Variants in NXN observed in about 807,000 individuals in gnomAD.
NXN encodes nucleoredoxin.
NXN carries 16 observed loss-of-function variants against 48.6 expected under a neutral mutation model. The observed-to-expected ratio is 0.33, with a 90% CI of 0.22 to 0.50. The LOEUF (loss-of-function observed/expected upper bound fraction) is 0.50. Ranked by LOEUF, NXN falls within the 20% of genes least tolerant of loss-of-function variation. NXN has a pLI of 0.98. For synonymous variants in NXN, 281 were observed against 269.6 expected (o/e 1.04, Z -0.41); for missense variants, 492 against 605.5 (o/e 0.81, Z 1.97).
rs140388581 is a variant in NXN, at chr17:812,268, C to T, written c.821-7021G>A. 6.3e-3 allele frequency among the ~76,000 whole-genome samples: 962 copies of T among 152,246 alleles called. 6 individuals carry two copies. Among genetic ancestry groups the T allele is most frequent in the Non-Finnish European group, 0.011 (716 of 68,012 alleles). On this transcript the variant is annotated intron_variant, in intron 5 of 7. Transcript: ENST00000336868. ...ACCCGAGCCTGTCAGAACACTCTGCCCTCACATGACTCAATCCACAAAATG... is the reference window on the plus strand; with the variant it reads ...ACCCGAGCCTGTCAGAACACTCTGCTCTCACATGACTCAATCCACAAAATG...
intron 5 of NXN, among the ~76,000 whole-genome samples, chr17:812,129 G>T (rs2474689): frequency 2.5e-4 from 38 of 149,592 alleles, no homozygotes; most frequent in African/African-American, 9.4e-4. Flanking sequence ...GGGTTTCACC[G>T]TGTTAGCCAG....
intron 1 of NXN, among the ~76,000 whole-genome samples, chr17:827,350 C>T (rs907893582): frequency 4.1e-5 from 6 of 148,022 alleles, no homozygotes; most frequent in South Asian, 2.2e-4. Context: ...TGGCCGGGTG[C>T]GGTGGCTCAC....
At chr17:973,838 C>G (rs550042037) in intron 1 of NXN, among the ~76,000 whole-genome samples, 1 of 151,756 alleles carries the variant, frequency 6.6e-6, no homozygotes, top group East Asian at 2.0e-4. Context: ...TACCACCACA[C>G]CTGGTTAATT....
At chr17:846,413 CA>C (rs757262418) in intron 1 of NXN, among the ~76,000 whole-genome samples, 673 of 62,696 alleles carry the variant, frequency 0.011, 4 homozygotes, top group African/African-American at 0.031. Flanking sequence ...GAAATTGTCT[CA>C]AAAAAAAAAA....
intron 1 of NXN, among the ~76,000 whole-genome samples, chr17:961,857 G>A (rs927426990): frequency 1.3e-5 from 2 of 152,178 alleles, no homozygotes; most frequent in Non-Finnish European, 2.9e-5. Context: ...AACATTAGCT[G>A]GGTGCAGTGG....
rs932556197 is a variant in NXN at position 917,248 on chromosome 17, T to A, written c.360+62071A>T. ...CCTCCGCCTCGCGGGTTCAAGCGAT[T>A]CTCCTGCCTCAGCCTCCCGAGCAGC... On this transcript the variant is annotated intron_variant, in intron 1 of 7. Transcript: ENST00000336868. This position sits in a 1 kb window ranked among gnomAD's most constrained non-coding sequence, Gnocchi z 4.5. 6.6e-6 allele frequency among the ~76,000 whole-genome samples: 1 copy of A among 152,236 alleles called. No homozygotes were observed. The highest frequency in any genetic ancestry group is 2.4e-5 in the African/African-American group (1 of 41,558).
At chr17:802,343 C>A (rs1363990446) in intron 7 of NXN, among the ~76,000 whole-genome samples, 3 of 152,176 alleles carry the variant, frequency 2.0e-5, no homozygotes, top group African/African-American at 7.2e-5. Context: ...CGGGAGCCAG[C>A]AAACTGCCTT....
chr17:861,251 G>A (rs2068037203), intron 1 of NXN, among the ~76,000 whole-genome samples: 1 of 151,954 alleles, frequency 6.6e-6, no homozygotes, highest in African/African-American at 2.4e-5. Context: ...TGTGTGGCTC[G>A]GCCTCCTGAG....
At chr17:808,257 C>G (rs1911691613) in intron 5 of NXN, among the ~76,000 whole-genome samples, 1 of 152,098 alleles carries the variant, frequency 6.6e-6, no homozygotes, top group South Asian at 2.1e-4. Context: ...TCCCCCTTCA[C>G]ACACGCCCTG....
chr17:850,814 G>A (rs1227477678), intron 1 of NXN, among the ~76,000 whole-genome samples: 1 of 152,132 alleles, frequency 6.6e-6, no homozygotes, highest in Non-Finnish European at 1.5e-5. Context: ...GCAGTTCAAT[G>A]AGGGGGCTGC....
chr17:960,829 A>C (rs2069227936), intron 1 of NXN, among the ~76,000 whole-genome samples: 1 of 136,632 alleles, frequency 7.3e-6, no homozygotes, highest in African/African-American at 2.9e-5. Flanking sequence ...TCTGCCACCC[A>C]GGCTGGAGTG....
chr17:939,949 T>G (rs1385331838), intron 1 of NXN, among the ~76,000 whole-genome samples: 1 of 31,170 alleles, frequency 3.2e-5, no homozygotes, highest in East Asian at 1.0e-3. Context: ...ATTACCTTTT[T>G]TTTCTTATTT....
intron 1 of NXN, among the ~76,000 whole-genome samples, chr17:862,966 G>A (rs1289045824): frequency 6.6e-6 from 1 of 152,136 alleles, no homozygotes; most frequent in East Asian, 1.9e-4. Flanking sequence ...GTTTTTAGGA[G>A]ATAATGAAGG....
At chr17:803,095 C>A (rs556575894) in intron 7 of NXN, among the ~76,000 whole-genome samples, 1 of 152,272 alleles carries the variant, frequency 6.6e-6, no homozygotes, top group African/African-American at 2.4e-5. Context: ...TAACTGGGTA[C>A]CTGCGGGAGG....
chr17:943,441 G>A (rs368160944), intron 1 of NXN, among the ~76,000 whole-genome samples: 2 of 152,100 alleles, frequency 1.3e-5, no homozygotes, highest in African/African-American at 2.4e-5. Flanking sequence ...TGTTCCCCAC[G>A]TGCCGTAACT....
At chr17:904,154 T>G (rs759057338) in intron 1 of NXN, among the ~76,000 whole-genome samples, 1 of 152,214 alleles carries the variant, frequency 6.6e-6, no homozygotes, top group Non-Finnish European at 1.5e-5. Flanking sequence ...CGTACATGCC[T>G]CACCGCGTCG....
At chr17:965,225 C>T (rs551810626) in intron 1 of NXN, among the ~76,000 whole-genome samples, 1 of 152,324 alleles carries the variant, frequency 6.6e-6, no homozygotes, top group African/African-American at 2.4e-5. Context: ...ACTTAACCGT[C>T]ATCCGTGATT....
intron 1 of NXN, among the ~76,000 whole-genome samples, chr17:927,689 T>G (rs1177011970): frequency 3.3e-5 from 5 of 151,144 alleles, no homozygotes; most frequent in African/African-American, 1.2e-4. Context: ...CAGCGATGGT[T>G]TGCGGGAGGA....
intron 1 of NXN, among the ~76,000 whole-genome samples, chr17:834,704 G>A (rs1389088139): frequency 1.3e-5 from 2 of 151,728 alleles, no homozygotes; most frequent in Non-Finnish European, 2.9e-5. Context: ...ATTTTTAGTA[G>A]AGATGGGGTT....
Sources: allele counts gnomAD v4.1 joint callset (sites outside exome capture counted in the v4.1 genomes callset), GRCh38; gene constraint gnomAD v4.1.1; non-coding constraint Gnocchi (gnomAD v3.1); transcripts MANE v1.5; gene names NCBI Gene and HGNC (gene_info 2026-07-23, HGNC 2026-07-21).